Variants in ALG6 observed in about 807,000 individuals in gnomAD.
ALG6 encodes ALG6 alpha-1,3-glucosyltransferase, also known as dolichyl pyrophosphate Man9GlcNAc2 alpha-1,3-glucosyltransferase.
A neutral mutation model predicts 66.6 loss-of-function variants in ALG6; 46 were observed. That is an observed-to-expected ratio of 0.69 (90% CI 0.55 to 0.88). ALG6 has a LOEUF of 0.88. Ranked by LOEUF, ALG6 falls within the 40% of genes least tolerant of loss-of-function variation. ALG6 has a pLI of 0.00. For synonymous variants in ALG6, 185 were observed against 203.7 expected, an observed-to-expected ratio of 0.91 and a Z score of 0.78; for missense variants, 505 against 586.8, an observed-to-expected ratio of 0.86 and a Z score of 1.44.
chr1:63,412,019 G>T lies in ALG6; in HGVS notation c.774G>T (p.Gln258His). 1 of 1,614,084 alleles carries T rather than the reference G, an allele frequency of 6.2e-7. No individual in the cohort carries two copies. The highest frequency in any genetic ancestry group is 8.5e-7 in the Non-Finnish European group (1 of 1,179,982). The change falls in exon 9 of 15, where the codon CAG becomes CAT. Residue 258 changes from glutamine (Q) to histidine (H), a missense_variant. By Grantham distance (24) the Gln-to-His change is conservative (BLOSUM62 0). Transcript: ENST00000263440. ...TTACAGAAAGGGAACAAACCCTGCA[G>T]GTTCTAAGAAGACTCTTCCCGGTTG... ...PFFTEREQTLQVLRRLFPVDR... is the reference protein window; with the variant it reads ...PFFTEREQTLHVLRRLFPVDR...
intron 2 of ALG6, among the ~76,000 whole-genome samples, chr1:63,379,517 G>A (rs894790924): frequency 1.3e-5 from 2 of 151,840 alleles, no homozygotes; most frequent in African/African-American, 2.4e-5. Context: ...ACCTGTTCAG[G>A]TCCCAGGCTT....
At chr1:63,422,268 A>AATATATATATTTATATAGATATAAAT (rs1644585117) in intron 12 of ALG6, among the ~76,000 whole-genome samples, 5 of 49,880 alleles carry the variant, frequency 1.0e-4, no homozygotes, top group East Asian at 6.0e-4. Flanking sequence ...TATAGATATA[A>AATATATATATTTATATAGATATAAAT]ATATATATAT....
intron 13 of ALG6, 42 bp from the exon 14 acceptor site, chr1:63,428,886 A>T (rs1428403335): frequency 6.3e-7 from 1 of 1,595,466 alleles, no homozygotes; most frequent in Non-Finnish European, 8.6e-7. Flanking sequence ...TATGGTTTGA[A>T]TTGATAATTC....
At chr1:63,434,157 T>C (rs1557599103) in intron 14 of ALG6, among the ~76,000 whole-genome samples, 1 of 152,192 alleles carries the variant, frequency 6.6e-6, no homozygotes, top group Non-Finnish European at 1.5e-5. Context: ...CTATGGTAGC[T>C]ATGTGGAGAA....
chr1:63,422,555 G>C (rs1413447648), intron 12 of ALG6, among the ~76,000 whole-genome samples: 1 of 149,048 alleles, frequency 6.7e-6, no homozygotes. Flanking sequence ...CAAATAAGAT[G>C]AGGGCTGGGA....
At chr1:63,431,305 T>TATTTTAC (rs759983549) in intron 14 of ALG6, among the ~76,000 whole-genome samples, 26 of 152,362 alleles carry the variant, frequency 1.7e-4, no homozygotes, top group Non-Finnish European at 3.1e-4. Context: ...TTGTTTTATC[T>TATTTTAC]ATTTTACATC....
intron 5 of ALG6, 128 bp from the exon 6 acceptor site, chr1:63,406,189 G>T (rs1644489135): frequency 1.3e-6 from 1 of 794,790 alleles, no homozygotes; most frequent in Non-Finnish European, 2.2e-6. Flanking sequence ...ACTGTGTAAA[G>T]GACTTGTCCA....
At chr1:63,371,218 A>G in intron 2 of ALG6, 159 bp downstream of exon 2, 1 of 619,604 alleles carries the variant, frequency 1.6e-6, no homozygotes, top group Non-Finnish European at 2.9e-6. Flanking sequence ...TCTAATAGAA[A>G]GAATATGGAT....
chr1:63,424,327 G>A (rs796528516), intron 12 of ALG6, among the ~76,000 whole-genome samples: 15 of 152,252 alleles, frequency 9.9e-5, no homozygotes, highest in African/African-American at 3.4e-4. Flanking sequence ...TTTTAGTAGA[G>A]ATGGGGTTTC....
chr1:63,373,657 CATTT>C (rs1648014025), intron 2 of ALG6, among the ~76,000 whole-genome samples: 2 of 114,760 alleles, frequency 1.7e-5, no homozygotes, highest in Non-Finnish European at 1.8e-5. Flanking sequence ...ATTTAATTTA[CATTT>C]TTTTTTTTTT....
intron 2 of ALG6, among the ~76,000 whole-genome samples, chr1:63,385,107 A>G (rs1450920656): frequency 1.3e-5 from 2 of 151,546 alleles, no homozygotes; most frequent in Non-Finnish European, 2.9e-5. Context: ...CAATCCATGA[A>G]CATGGAATAT....
intron 13 of ALG6, 51 bp downstream of exon 13, chr1:63,428,852 T>C: frequency 6.3e-7 from 1 of 1,587,670 alleles, no homozygotes; most frequent in Non-Finnish European, 8.6e-7. Context: ...TGTAAACTAA[T>C]TTAAAACTTT....
chr1:63,396,334 T>TCCAGCAGTGTG (rs1359445533), intron 2 of ALG6, among the ~76,000 whole-genome samples, 179 bp from the exon 3 acceptor site: 2 of 152,134 alleles, frequency 1.3e-5, no homozygotes, highest in Non-Finnish European at 2.9e-5. Flanking sequence ...CCAGCGTCAC[T>TCCAGCAGTGTG]CCAGCAGTGT....
intron 12 of ALG6, among the ~76,000 whole-genome samples, chr1:63,420,643 G>T (rs1644568287): frequency 6.6e-6 from 1 of 151,800 alleles, no homozygotes; most frequent in Non-Finnish European, 1.5e-5. Flanking sequence ...GGCAGATCAT[G>T]AGGTCAGGAG....
At chr1:63,381,134 A>G (rs998997779) in intron 2 of ALG6, among the ~76,000 whole-genome samples, 2 of 152,148 alleles carry the variant, frequency 1.3e-5, no homozygotes, top group South Asian at 2.1e-4. Context: ...AGCCTGGGCA[A>G]TACGGGGAAA....
At chr1:63,368,501 C>CTT (rs869085139) in intron 1 of ALG6, among the ~76,000 whole-genome samples, 1 of 145,916 alleles carries the variant, frequency 6.9e-6, no homozygotes, top group South Asian at 2.2e-4. Flanking sequence ...TCCTTTTACA[C>CTT]TTTTTTTTTT....
intron 12 of ALG6, among the ~76,000 whole-genome samples, chr1:63,427,899 C>T (rs926491581): frequency 5.3e-5 from 8 of 151,378 alleles, no homozygotes; most frequent in Non-Finnish European, 8.8e-5. Flanking sequence ...CTCCTCCTCC[C>T]GGGTTCAAGC....
intron 12 of ALG6, among the ~76,000 whole-genome samples, chr1:63,422,128 TAA>T (rs1166480917): frequency 5.8e-5 from 4 of 68,756 alleles, no homozygotes; most frequent in South Asian, 6.6e-4. Flanking sequence ...AATATATAAA[TAA>T]ATATATAAAT....
rs867025942 is a variant in ALG6 at position 63,422,160 on chromosome 1, T to A, written c.1058+2720T>A. Among the ~76,000 whole-genome samples the A allele has an allele frequency of 4.7e-3, 492 of 103,964 alleles. 7 individuals carry two copies. Among genetic ancestry groups the A allele is most frequent in the African/African-American group, 0.017 (448 of 25,988 alleles). The allele number at this position is 103,964 out of a possible 152,430, so 68.2% of individuals were successfully genotyped here. A position where few individuals can be genotyped will look rare whatever the true frequency, so the allele number is the denominator to read the frequency against. ...ATAAATATATATAAATATAAATATATATATAACTATGAATTTATATTTATA... is the reference window on the plus strand; with the variant it reads ...ATAAATATATATAAATATAAATATAAATATAACTATGAATTTATATTTATA... On this transcript the variant is annotated intron_variant, in intron 12 of 14. Transcript: ENST00000263440.
Sources: gnomAD v4.1 joint callset for allele counts (sites outside exome capture counted in the v4.1 genomes callset) on GRCh38, gnomAD v4.1.1 for gene constraint, MANE v1.5 for transcripts, NCBI Gene and HGNC (gene_info 2026-07-23, HGNC 2026-07-21) for gene names.